EXOC8: variants seen among roughly 807,000 people sequenced by gnomAD.
The protein encoded by EXOC8 is exocyst complex component 8.
A neutral mutation model predicts 50.8 loss-of-function variants in EXOC8; 19 were observed. The observed-to-expected ratio is 0.37, with a 90% CI of 0.26 to 0.55. The LOEUF is 0.55. EXOC8 is among the 20% of genes least tolerant of loss of function. The pLI, the probability that EXOC8 is intolerant of heterozygous loss-of-function variation, is 0.80. For missense variants in EXOC8, 781 were observed against 915.8 expected, an observed-to-expected ratio of 0.85 and a Z score of 1.90; for synonymous variants, 384 against 367.9, an observed-to-expected ratio of 1.04 and a Z score of -0.50.
chr1:231,337,843 A>C lies in EXOC8; in HGVS notation c.-98T>G. ...GGCCAACCGAGCTCCTGGGCTGAGGAAGCAGGAATGGGAACGAGACGAGTA... is the reference window on the plus strand; with the variant it reads ...GGCCAACCGAGCTCCTGGGCTGAGGCAGCAGGAATGGGAACGAGACGAGTA... On this transcript the variant is annotated 5_prime_UTR_variant, in exon 1 of 1. Coordinates refer to ENST00000366645, the MANE Select transcript of EXOC8 (RefSeq NM_175876.5). The surrounding 1 kb of genome is among the most constrained non-coding windows in gnomAD (Gnocchi z 5.9). 3.4e-6 allele frequency: 5 copies of C among 1,455,502 alleles called. No homozygotes were observed. Among genetic ancestry groups the C allele is most frequent in the Non-Finnish European group, 4.6e-6 (5 of 1,086,314 alleles). 90.2% of individuals were successfully genotyped at this position (1,455,502 alleles called of 1,614,324 possible).
Position 231,335,590 on chromosome 1 carries a change from T to G in EXOC8, c.2156A>C (p.Glu719Ala), listed in dbSNP as rs1439365077. Residue 719 changes from glutamate to alanine, a missense_variant, in exon 1 of 1, where the codon GAA becomes GCA. Physicochemically the swap from Glu to Ala is moderately radical, Grantham distance 107 (BLOSUM62 -1). Around this residue, in one of 3 missense-constraint regions of EXOC8, gnomAD observed 79 missense variants for 95.3 expected, o/e 0.83. Transcript: ENST00000366645. ...GCATTAGACCACTGATGTTGTACTT[T>G]CAGGATTCACACGAATAAGTCTAGA... is the stretch of plus-strand genomic sequence containing the variant. ...NASRLIRVNP[E>A]STTSVV is the part of the protein sequence containing the mutation. 1.2e-6 allele frequency: 2 copies of G among 1,611,162 alleles called. No individual in the cohort carries two copies. Among genetic ancestry groups the G allele is most frequent in the South Asian group, 1.1e-5 (1 of 90,642 alleles).
At position 231,336,245 on chromosome 1, in the gene EXOC8, C is replaced by T; in HGVS notation, c.1501G>A (p.Val501Met). 5 of 1,614,098 alleles carry T rather than the reference C, an allele frequency of 3.1e-6. No homozygotes were observed. The East Asian group carries it at 8.9e-5, about 29-fold the overall frequency. The part of the protein sequence containing the change: ...VWARSAMGMF[V>M]DAFSKQVFDS... ...AACACCTGCTTGCTAAAAGCATCCA[C>T]GAACATGCCCATGGCTGATCTTGCC... Residue 501 changes from valine (V) to methionine (M), a missense_variant, in exon 1 of 1, where the codon GTG (valine) becomes ATG (methionine). Physicochemically the swap from Val to Met is conservative, Grantham distance 21. Coordinates refer to ENST00000366645, the MANE Select transcript of EXOC8 (RefSeq NM_175876.5). The surrounding 1 kb of genome is among the most constrained non-coding windows in gnomAD (Gnocchi z 5.4).
In EXOC8 at chr1:231,336,310, G is replaced by C. The variant is rs1686672488; in HGVS notation, c.1436C>G (p.Ala479Gly). 3 of 1,614,016 alleles carry C rather than the reference G, an allele frequency of 1.9e-6. No homozygotes were observed. In the African/African-American group the frequency reaches 4.0e-5, roughly 22 times the overall value. ...AGAGTAGCAGCCGCTGTCAGTGCCTGCAAAATCGATCTCAAATTCTCTTGC... is the reference window on the plus strand; with the variant it reads ...AGAGTAGCAGCCGCTGTCAGTGCCTCCAAAATCGATCTCAAATTCTCTTGC... ...ETAREFEIDF[A>G]GTDSGCYSAF... The change falls in exon 1 of 1, where the codon GCA (alanine) becomes GGA (glycine). Residue 479 changes from alanine (A) to glycine (G), a missense_variant. Coordinates refer to ENST00000366645, the MANE Select transcript of EXOC8 (RefSeq NM_175876.5). The surrounding 1 kb of genome is among the most constrained non-coding windows in gnomAD (Gnocchi z 5.4).
At position 231,335,977 on chromosome 1, in the gene EXOC8, T is replaced by C. The variant is rs763607246; in HGVS notation, c.1769A>G (p.Lys590Arg). The change falls in exon 1 of 1, where the codon AAA becomes AGA. Residue 590 changes from lysine (K) to arginine (R), a missense_variant. This residue lies in a region of EXOC8 where 700 missense variants were observed against 804.1 expected (regional missense o/e 0.87). Transcript: ENST00000366645. ...TACCCCACAACTTTTCATCTCTTCT[T>C]TGAGCTTACCCAGGGCTTCTGGCGT... is the stretch of plus-strand genomic sequence containing the variant. ...LMTPEALGKL[K>R]EEMKSCGVSN... 26 of 1,614,110 alleles carry C rather than the reference T, an allele frequency of 1.6e-5. No homozygotes were observed. The highest frequency in any genetic ancestry group is 2.2e-5 in the Non-Finnish European group (26 of 1,180,054).
rs145329289 is a variant in EXOC8 at position 231,336,774 on chromosome 1, C to A, written c.972G>T (p.Glu324Asp). The stretch of plus-strand genomic sequence containing the variant: ...AGAGGTCCACCTTCTCTTCCTCTAC[C>A]TCAGGAACAGCTGGTTCTTCTTCTT... ...DDEEEEPAVP[E>D]VEEEKVDLSM... The change falls in exon 1 of 1, where the codon GAG (glutamate) becomes GAT (aspartate). Residue 324 changes from glutamate (E) to aspartate (D), a missense_variant. Physicochemically the swap from Glu to Asp is conservative, Grantham distance 45. Around this residue, in one of 3 missense-constraint regions of EXOC8, gnomAD observed 700 missense variants for 804.1 expected, o/e 0.87. Transcript: ENST00000366645. This position sits in a 1 kb window ranked among gnomAD's most constrained non-coding sequence, Gnocchi z 5.4. The A allele has an allele frequency of 2.6e-4, 419 of 1,614,204 alleles. No individual in the cohort carries two copies. The highest frequency in any genetic ancestry group is 6.6e-4 in the Middle Eastern group (4 of 6,062).
Position 231,335,605 on chromosome 1 carries a change from A to G in EXOC8, c.2141T>C (p.Ile714Thr), listed in dbSNP as rs759347308. 4 of 1,613,036 alleles carry G rather than the reference A, an allele frequency of 2.5e-6. No homozygotes were observed. The highest frequency in any genetic ancestry group is 1.7e-5 in the Admixed American group (1 of 59,842). Residue 714 changes from isoleucine (I) to threonine (T), a missense_variant, in exon 1 of 1, where the codon ATT (isoleucine) becomes ACT (threonine). Ile to Thr is a moderately conservative substitution (Grantham distance 89). Coordinates refer to ENST00000366645, the MANE Select transcript of EXOC8 (RefSeq NM_175876.5). The stretch of plus-strand genomic sequence containing the variant: ...TGTTGTACTTTCAGGATTCACACGA[A>G]TAAGTCTAGATGCATTCCTCAGATC... ...LQDLRNASRL[I>T]RVNPESTTSV...
chr1:231,337,579 G>A lies in EXOC8; in HGVS notation c.167C>T (p.Ala56Val). The A allele has an allele frequency of 1.9e-6, 3 of 1,612,676 alleles. No homozygotes were observed. The highest frequency in any genetic ancestry group is 2.5e-6 in the Non-Finnish European group (3 of 1,179,988). Residue 56 changes from alanine (A) to valine (V), a missense_variant, in exon 1 of 1, where the codon GCG (alanine) becomes GTG (valine). Physicochemically the swap from Ala to Val is moderately conservative, Grantham distance 64 (BLOSUM62 0). Around this residue, in one of 3 missense-constraint regions of EXOC8, gnomAD observed 700 missense variants for 804.1 expected, o/e 0.87. Transcript: ENST00000366645. This position sits in a 1 kb window ranked among gnomAD's most constrained non-coding sequence, Gnocchi z 5.9. ...QRIQALAEET[A>V]QNLKRNVYQN... is the part of the protein sequence containing the mutation. ...GTAGACGTTGCGCTTCAGGTTCTGC[G>A]CCGTCTCCTCCGCCAGCGCCTGGAT...
At position 231,337,393 on chromosome 1, in the gene EXOC8, G is replaced by A. The variant is rs766229967; in HGVS notation, c.353C>T (p.Ser118Phe). The change falls in exon 1 of 1, where the codon TCT becomes TTT. Residue 118 changes from serine (S) to phenylalanine (F), a missense_variant. Transcript: ENST00000366645. This position sits in a 1 kb window ranked among gnomAD's most constrained non-coding sequence, Gnocchi z 5.9. Reference protein sequence around the residue: ...AAAAAGAAAASGGEEGVGGAG... With the variant: ...AAAAAGAAAAFGGEEGVGGAG... ...CCCACCGACTCCCTCCTCCCCTCCA[G>A]AGGCGGCGGCGGCTCCGGCGGCAGC... The A allele has an allele frequency of 6.2e-7, 1 of 1,604,320 alleles. No individual in the cohort carries two copies. The highest frequency in any genetic ancestry group is 8.5e-7 in the Non-Finnish European group (1 of 1,179,520).
In EXOC8 at chr1:231,335,808, G is replaced by A. The variant is rs1686658254; in HGVS notation, c.1938C>T (p.Ser646=). Residue 646 remains serine (S), a synonymous_variant, in exon 1 of 1, where the codon AGC becomes AGT. Transcript: ENST00000366645. ...CAGCAACCAAAATGATTTCCACCAG[G>A]CTCTCCAAAAGTACCATGTGCAGCT... ...FPELHMVLLE[S]LVEIILVAVQ... is the part of the protein sequence containing the mutation. The A allele has an allele frequency of 1.2e-6, 2 of 1,613,982 alleles. No homozygotes were observed. Among genetic ancestry groups the A allele is most frequent in the Non-Finnish European group, 1.7e-6 (2 of 1,180,032 alleles).
Position 231,336,119 on chromosome 1 carries a change from T to C in EXOC8, c.1627A>G (p.Ile543Val), listed in dbSNP as rs774639455. 9.9e-6 allele frequency: 16 copies of C among 1,614,208 alleles called. No homozygotes were observed. The South Asian group carries it at 1.8e-4, about 18-fold the overall frequency. ...ATGTCTTTCACCAGAAGGGCATGGATGATGAAGGTGAGATCCAGTCCGATA... is the reference window on the plus strand; with the variant it reads ...ATGTCTTTCACCAGAAGGGCATGGACGATGAAGGTGAGATCCAGTCCGATA... ...GDIGLDLTFIIHALLVKDIQG... is the reference protein window; with the variant it reads ...GDIGLDLTFIVHALLVKDIQG... The change falls in exon 1 of 1, where the codon ATC becomes GTC. Residue 543 changes from isoleucine to valine, a missense_variant. Ile to Val is a conservative substitution (Grantham distance 29, BLOSUM62 3). Transcript: ENST00000366645. This position sits in a 1 kb window ranked among gnomAD's most constrained non-coding sequence, Gnocchi z 5.4.
Position 231,337,333 on chromosome 1 carries a change from C to G in EXOC8, c.413G>C (p.Gly138Ala), listed in dbSNP as rs771465370. Residue 138 changes from glycine (G) to alanine (A), a missense_variant, in exon 1 of 1, where the codon GGC becomes GCC. By Grantham distance (60) the Gly-to-Ala change is moderately conservative (BLOSUM62 0). This residue lies in a region of EXOC8 where 700 missense variants were observed against 804.1 expected (regional missense o/e 0.87). Coordinates refer to ENST00000366645, the MANE Select transcript of EXOC8 (RefSeq NM_175876.5). The surrounding 1 kb of genome is among the most constrained non-coding windows in gnomAD (Gnocchi z 5.9). ...GGCACCCCCGGGGGTGGAGAAAAAG[C>G]CGGCCTGGCCTCGGAGGTGGTCTCG... is the stretch of plus-strand genomic sequence containing the variant. Reference protein sequence around the residue: ...GGRDHLRGQAGFFSTPGGASR... With the variant: ...GGRDHLRGQAAFFSTPGGASR... 3 of 1,602,500 alleles carry G rather than the reference C, an allele frequency of 1.9e-6. No individual in the cohort carries two copies. In the South Asian group the frequency reaches 3.3e-5, roughly 18 times the overall value.
chr1:231,335,987 C>G lies in EXOC8; in HGVS notation c.1759G>C (p.Gly587Arg). Residue 587 changes from glycine (G) to arginine (R), a missense_variant, in exon 1 of 1, where the codon GGT becomes CGT. Around this residue, in one of 3 missense-constraint regions of EXOC8, gnomAD observed 700 missense variants for 804.1 expected, o/e 0.87. Transcript: ENST00000366645. ...CTTTTCATCTCTTCTTTGAGCTTAC[C>G]CAGGGCTTCTGGCGTCATCAAGTTC... ...RMNLMTPEAL[G>R]KLKEEMKSCG... is the part of the protein sequence containing the mutation. The G allele has an allele frequency of 6.2e-7, 1 of 1,614,178 alleles. No homozygotes were observed. Among genetic ancestry groups the G allele is most frequent in the Non-Finnish European group, 8.5e-7 (1 of 1,180,034 alleles).
At position 231,336,479 on chromosome 1, in the gene EXOC8, G is replaced by A; in HGVS notation, c.1267C>T (p.Gln423Ter). Residue 423 changes from glutamine to a stop codon, truncating the protein, a stop_gained, in exon 1 of 1, where the codon CAG becomes TAG. Transcript: ENST00000366645. LOFTEE classifies it high-confidence loss of function. This position sits in a 1 kb window ranked among gnomAD's most constrained non-coding sequence, Gnocchi z 5.4. The part of the protein sequence containing the change: ...RAVSQLIRLG[Q>*]CTKACELFLR... ...AATAGCTCACAGGCCTTCGTGCACT[G>A]GCCCAGCCGGATCAGTTGCGAAACT... 6.2e-7 allele frequency: 1 copy of A among 1,613,752 alleles called. No homozygotes were observed. The highest frequency in any genetic ancestry group is 8.5e-7 in the Non-Finnish European group (1 of 1,179,854).
At position 231,337,264 on chromosome 1, in the gene EXOC8, G is replaced by A. The variant is rs199856775; in HGVS notation, c.482C>T (p.Thr161Ile). 1.2e-6 allele frequency: 2 copies of A among 1,609,852 alleles called. No individual in the cohort carries two copies. The highest frequency in any genetic ancestry group is 1.7e-6 in the Non-Finnish European group (2 of 1,179,998). Residue 161 changes from threonine to isoleucine, a missense_variant, in exon 1 of 1, where the codon ACT (threonine) becomes ATT (isoleucine). Transcript: ENST00000366645. This position sits in a 1 kb window ranked among gnomAD's most constrained non-coding sequence, Gnocchi z 5.9. ...SGPGEEGKQR[T>I]LTTLLEKVEG... ...CACCTTCTCAAGCAGGGTGGTGAGAGTGCGCTGCTTTCCTTCCTCGCCTGG... is the reference window on the plus strand; with the variant it reads ...CACCTTCTCAAGCAGGGTGGTGAGAATGCGCTGCTTTCCTTCCTCGCCTGG...
At position 231,337,605 on chromosome 1, in the gene EXOC8, G is replaced by A. The variant is rs557913289; in HGVS notation, c.141C>T (p.Arg47=). The change falls in exon 1 of 1, where the codon CGC becomes CGT. Residue 47 remains arginine, a synonymous_variant. Transcript: ENST00000366645. This position sits in a 1 kb window ranked among gnomAD's most constrained non-coding sequence, Gnocchi z 5.9. ...CCGTCTCCTCCGCCAGCGCCTGGAT[G>A]CGCTGCCGGTGCTCCTGGAGGTCCC... ...GDRDLQEHRQ[R]IQALAEETAQ... 6.2e-7 allele frequency: 1 copy of A among 1,612,382 alleles called. No homozygotes were observed. The highest frequency in any genetic ancestry group is 8.5e-7 in the Non-Finnish European group (1 of 1,180,006).
In EXOC8 at chr1:231,337,002, C is replaced by T. The variant is rs753184053; in HGVS notation, c.744G>A (p.Lys248=). Residue 248 remains lysine, a synonymous_variant, in exon 1 of 1, where the codon AAG becomes AAA. Coordinates refer to ENST00000366645, the MANE Select transcript of EXOC8 (RefSeq NM_175876.5). This position sits in a 1 kb window ranked among gnomAD's most constrained non-coding sequence, Gnocchi z 5.9. The part of the protein sequence containing the change: ...VVNVKDNPPM[K]DMFKLLMFPE... ...GGAACATAAGCAGCTTGAACATGTC[C>T]TTCATGGGCGGGTTGTCCTTGACAT... is the stretch of plus-strand genomic sequence containing the variant. The T allele has an allele frequency of 2.5e-6, 4 of 1,613,992 alleles. No individual in the cohort carries two copies. Among genetic ancestry groups the T allele is most frequent in the Non-Finnish European group, 3.4e-6 (4 of 1,180,036 alleles).
At position 231,336,904 on chromosome 1, in the gene EXOC8, T is replaced by C; in HGVS notation, c.842A>G (p.Lys281Arg). 6.2e-7 allele frequency: 1 copy of C among 1,614,158 alleles called. No individual in the cohort carries two copies. The highest frequency in any genetic ancestry group is 8.5e-7 in the Non-Finnish European group (1 of 1,180,036). The change falls in exon 1 of 1, where the codon AAG becomes AGG. Residue 281 changes from lysine to arginine, a missense_variant. Physicochemically the swap from Lys to Arg is conservative, Grantham distance 26 (BLOSUM62 2). Around this residue, in one of 3 missense-constraint regions of EXOC8, gnomAD observed 700 missense variants for 804.1 expected, o/e 0.87. Transcript: ENST00000366645. The surrounding 1 kb of genome is among the most constrained non-coding windows in gnomAD (Gnocchi z 5.4). ...TCGCCTTTTCTCACTGAGGGCCCTC[T>C]TGGTGTCCTCCAGCACTTCCAGCCA... is the stretch of plus-strand genomic sequence containing the variant. Reference protein sequence around the residue: ...REWLEVLEDTKRALSEKRRRE... With the variant: ...REWLEVLEDTRRALSEKRRRE...
At position 231,337,825 on chromosome 1, in the gene EXOC8, C is replaced by G. The variant is rs1686722468; in HGVS notation, c.-80G>C. On this transcript the variant is annotated 5_prime_UTR_variant, in exon 1 of 1. Coordinates refer to ENST00000366645, the MANE Select transcript of EXOC8 (RefSeq NM_175876.5). This position sits in a 1 kb window ranked among gnomAD's most constrained non-coding sequence, Gnocchi z 5.9. ...CTGTCTAGACCCACCCAAGGCCAACCGAGCTCCTGGGCTGAGGAAGCAGGA... is the reference window on the plus strand; with the variant it reads ...CTGTCTAGACCCACCCAAGGCCAACGGAGCTCCTGGGCTGAGGAAGCAGGA... The G allele has an allele frequency of 9.3e-6, 14 of 1,500,182 alleles. No individual in the cohort carries two copies. The highest frequency in any genetic ancestry group is 1.8e-4 in the Middle Eastern group (1 of 5,572). The allele number at this position is 1,500,182 out of a possible 1,614,324, so 92.9% of individuals were successfully genotyped here.
rs915823381 is a variant in EXOC8, at chr1:231,335,298, AT to A, written c.*269del. 10 of 254,584 alleles carry A rather than the reference AT, an allele frequency of 3.9e-5. No individual in the cohort carries two copies. Among genetic ancestry groups the A allele is most frequent in the African/African-American group, 2.0e-4 (9 of 44,492 alleles). The allele number at this position is 254,584 out of a possible 1,614,324, so 15.8% of individuals were successfully genotyped here. ...AAGGATAAAACCGAAATGCTATAGT[AT>A]ATAGTGTGACCATAATTTCAGAAGA... On this transcript the variant is annotated 3_prime_UTR_variant, in exon 1 of 1. Coordinates refer to ENST00000366645, the MANE Select transcript of EXOC8 (RefSeq NM_175876.5).
Sources: gnomAD v4.1 joint callset for allele counts on GRCh38, gnomAD v4.1.1 for gene constraint, gnomAD v4.1.1 regional missense constraint, Gnocchi (gnomAD v3.1) non-coding constraint, MANE v1.5 for transcripts, NCBI Gene and HGNC (gene_info 2026-07-23, HGNC 2026-07-21) for gene names.